Variants in IQCH observed in about 807,000 individuals in gnomAD.
IQCH encodes IQ motif containing H, also known as IQ domain-containing protein H.
IQCH carries 98 observed loss-of-function variants against 117.0 expected under a neutral mutation model. That is an observed-to-expected ratio of 0.84 (90% CI 0.71 to 0.99). The LOEUF (loss-of-function observed/expected upper bound fraction) is 0.99, where lower values mean the gene tolerates loss of function less well. Ranked by LOEUF, IQCH falls within the 50% of genes least tolerant of loss-of-function variation. The probability of loss-of-function intolerance (pLI) is 0.00; values close to 1 mark genes in which losing one functional copy is unlikely to be tolerated. For synonymous variants in IQCH, 412 were observed against 448.2 expected (o/e 0.92, Z 1.02); for missense variants, 1,102 against 1,243.8 (o/e 0.89, Z 1.72).
At chr15:67,379,173 TG>T (rs1310713440) in intron 10 of IQCH, among the ~76,000 whole-genome samples, 1 of 152,200 alleles carries the variant, frequency 6.6e-6, no homozygotes, top group African/African-American at 2.4e-5. Flanking sequence ...GTATTCAATC[TG>T]TTGCAATATG....
At chr15:67,316,890 G>A (rs976765176) in intron 4 of IQCH, among the ~76,000 whole-genome samples, 1 of 152,162 alleles carries the variant, frequency 6.6e-6, no homozygotes, top group Non-Finnish European at 1.5e-5. Context: ...TTGAGGGACA[G>A]ATCTGGGCCC....
In IQCH at chr15:67,467,687, T is replaced by C. The variant is rs1187024575; in HGVS notation, c.2676+2390T>C. Reference sequence around the variant, plus strand: ...GAAGCATGTGCACATGCACACGCGGTACAACTCACAAGCAAATCGAAGCTT... The same window carrying C: ...GAAGCATGTGCACATGCACACGCGGCACAACTCACAAGCAAATCGAAGCTT... On this transcript the variant is annotated intron_variant, in intron 17 of 20. Transcript: ENST00000335894. This position sits in a 1 kb window ranked among gnomAD's most constrained non-coding sequence, Gnocchi z 5.7. 1.3e-5 allele frequency among the ~76,000 whole-genome samples: 2 copies of C among 152,248 alleles called. No homozygotes were observed. The highest frequency in any genetic ancestry group is 3.9e-4 in the East Asian group (2 of 5,176).
In IQCH at chr15:67,378,070, T is replaced by C. The variant is rs375227413; in HGVS notation, c.1372+4637T>C. On this transcript the variant is annotated intron_variant, in intron 10 of 20. Transcript: ENST00000335894. The stretch of plus-strand genomic sequence containing the variant: ...CTTTTGTGTGCAACCGATCATATGC[T>C]GAACTGAGAAAGTCCCAAATGCTTA... Among the ~76,000 whole-genome samples the C allele has an allele frequency of 9.2e-5, 14 of 152,264 alleles. No homozygotes were observed. In the East Asian group the frequency reaches 1.5e-3, roughly 17 times the overall value.
intron 4 of IQCH, among the ~76,000 whole-genome samples, chr15:67,300,036 T>C (rs973022484): frequency 2.0e-5 from 3 of 152,164 alleles, no homozygotes; most frequent in Non-Finnish European, 4.4e-5. Flanking sequence ...GATTTTTATA[T>C]TTCTATCATT....
intron 2 of IQCH, among the ~76,000 whole-genome samples, chr15:67,261,759 T>TTG: frequency 6.6e-6 from 1 of 152,260 alleles, no homozygotes; most frequent in East Asian, 1.9e-4. Context: ...GACCAATATA[T>TTG]TGCAGATTTT....
chr15:67,428,995 A>G (rs531846846), intron 16 of IQCH, among the ~76,000 whole-genome samples: 172 of 152,314 alleles, frequency 1.1e-3, no homozygotes, highest in Non-Finnish European at 2.2e-3. Flanking sequence ...TCTAGAAGCC[A>G]GAAAAGGCAA....
At chr15:67,340,066 A>G (rs1335768559) in intron 5 of IQCH, among the ~76,000 whole-genome samples, 1 of 152,212 alleles carries the variant, frequency 6.6e-6, no homozygotes, top group Non-Finnish European at 1.5e-5. Flanking sequence ...TAAGCCATAT[A>G]CCAGGCTAGT....
At chr15:67,441,654 C>A (rs1169394242) in intron 16 of IQCH, among the ~76,000 whole-genome samples, 1 of 152,134 alleles carries the variant, frequency 6.6e-6, no homozygotes, top group Non-Finnish European at 1.5e-5. Flanking sequence ...CCCTTTTCAA[C>A]AAATGGTGCT....
In IQCH at chr15:67,258,263, C is replaced by T. The variant is rs184294049; in HGVS notation, c.52-3009C>T. 6.9e-4 allele frequency among the ~76,000 whole-genome samples: 104 copies of T among 151,098 alleles called. 1 individual carries two copies. Among genetic ancestry groups the T allele is most frequent in the Admixed American group, 4.3e-3 (65 of 15,156 alleles). On this transcript the variant is annotated intron_variant, in intron 1 of 20. Transcript: ENST00000335894. ...AAAAAAAAAAGGCCAAGCGCGGTGG[C>T]TCATGCCTGTAATCCCAGCACTTTA... is the stretch of plus-strand genomic sequence containing the variant.
chr15:67,267,431 G>T (rs541458927), intron 3 of IQCH, among the ~76,000 whole-genome samples: 1 of 152,324 alleles, frequency 6.6e-6, no homozygotes, highest in African/African-American at 2.4e-5. Flanking sequence ...TCTGGGATGA[G>T]CATGACTGCC....
In IQCH at chr15:67,405,226, T is replaced by G. The variant is rs760577149; in HGVS notation, c.2097+4921T>G. The G allele has an allele frequency of 6.6e-6, 1 of 152,212 alleles. No homozygotes were observed. The highest frequency in any genetic ancestry group is 1.5e-5 in the Non-Finnish European group (1 of 68,040). 9.4% of individuals were successfully genotyped at this position (152,212 alleles called of 1,614,324 possible). A position where few individuals can be genotyped will look rare whatever the true frequency, so the allele number is the denominator to read the frequency against. Reference sequence around the variant, plus strand: ...TTTTTTCCAGTCATGAAACTACATATAAATGATTATTGTTCACTTGTTTTT... The same window carrying G: ...TTTTTTCCAGTCATGAAACTACATAGAAATGATTATTGTTCACTTGTTTTT... On this transcript the variant is annotated intron_variant, in intron 14 of 20. Coordinates refer to ENST00000335894, the MANE Select transcript of IQCH (RefSeq NM_001031715.3). The surrounding 1 kb of genome is among the most constrained non-coding windows in gnomAD (Gnocchi z 4.8).
chr15:67,309,450 G>C (rs559723945), intron 4 of IQCH, among the ~76,000 whole-genome samples: 48 of 152,078 alleles, frequency 3.2e-4, no homozygotes, highest in Non-Finnish European at 5.6e-4. Flanking sequence ...GCACCAAGCA[G>C]TGTTTTACAC....
intron 4 of IQCH, among the ~76,000 whole-genome samples, chr15:67,305,689 T>C (rs1967259972): frequency 6.6e-6 from 1 of 152,094 alleles, no homozygotes. Flanking sequence ...CCGAGGCAAC[T>C]GCTGTGTTTC....
At chr15:67,361,164 T>C (rs1158497656) in intron 8 of IQCH, among the ~76,000 whole-genome samples, 5 of 152,204 alleles carry the variant, frequency 3.3e-5, no homozygotes. Flanking sequence ...CTCCGGAGTT[T>C]GTGCTCTCTG....
chr15:67,420,562 A>G (rs1186808480), intron 15 of IQCH, among the ~76,000 whole-genome samples: 1 of 152,232 alleles, frequency 6.6e-6, no homozygotes, highest in African/African-American at 2.4e-5. Context: ...GATTGGGGCT[A>G]TGTAATTTTT....
chr15:67,306,133 T>C (rs1359607417), intron 4 of IQCH, among the ~76,000 whole-genome samples: 1 of 152,126 alleles, frequency 6.6e-6, no homozygotes, highest in African/African-American at 2.4e-5. Flanking sequence ...TATGTTGATA[T>C]AGTTGTATGG....
At chr15:67,428,022 C>T (rs1256070355) in intron 16 of IQCH, among the ~76,000 whole-genome samples, 2 of 152,062 alleles carry the variant, frequency 1.3e-5, no homozygotes, top group African/African-American at 4.8e-5. Context: ...GACGGGGTTT[C>T]GCCATGTTGG....
intron 4 of IQCH, among the ~76,000 whole-genome samples, chr15:67,312,681 C>T (rs754417177): frequency 6.6e-6 from 1 of 152,052 alleles, no homozygotes; most frequent in Non-Finnish European, 1.5e-5. Flanking sequence ...AGAGCAGCTA[C>T]GAAAGTGGTA....
intron 16 of IQCH, among the ~76,000 whole-genome samples, chr15:67,440,733 A>G (rs1486281704): frequency 6.6e-6 from 1 of 152,234 alleles, no homozygotes; most frequent in Admixed American, 6.5e-5. Flanking sequence ...AGTACAAGCC[A>G]TCTATGACAA....
Sources: gnomAD v4.1 joint callset for allele counts (sites outside exome capture counted in the v4.1 genomes callset) on GRCh38, gnomAD v4.1.1 for gene constraint, Gnocchi (gnomAD v3.1) non-coding constraint, MANE v1.5 for transcripts, NCBI Gene and HGNC (gene_info 2026-07-23, HGNC 2026-07-21) for gene names.